Variants in CARMIL2 observed in about 807,000 individuals in gnomAD.
CARMIL2 encodes the protein capping protein regulator and myosin 1 linker 2.
Under a neutral mutation model 173.3 loss-of-function variants are expected in CARMIL2, and 96 were observed. The observed-to-expected ratio is 0.55, with a 90% CI of 0.47 to 0.66. The LOEUF (loss-of-function observed/expected upper bound fraction) is 0.66, where lower values mean the gene tolerates loss of function less well. Ranked by LOEUF, CARMIL2 falls within the 30% of genes least tolerant of loss-of-function variation. The pLI is 0.00. For synonymous variants in CARMIL2, 830 were observed against 817.1 expected (o/e 1.02, Z -0.27); for missense variants, 1,771 against 1,906.7 (o/e 0.93, Z 1.33).
At position 67,645,166 on chromosome 16, in the gene CARMIL2, G is replaced by T; in HGVS notation, c.-81G>T. On this transcript the variant is annotated 5_prime_UTR_variant, in exon 1 of 38. Coordinates refer to ENST00000334583, the MANE Select transcript of CARMIL2 (RefSeq NM_001013838.3). ...AGCAGGTGGCTGCCGTGCGGGTCTG[G>T]GCCCCAGGCTTCCTGTGTGCGCGCT... 8.5e-7 allele frequency: 1 copy of T among 1,174,084 alleles called. No homozygotes were observed. The highest frequency in any genetic ancestry group is 1.2e-6 in the Non-Finnish European group (1 of 823,604). 72.7% of individuals were successfully genotyped at this position (1,174,084 alleles called of 1,614,324 possible).
chr16:67,653,306 G>A lies in CARMIL2; in HGVS notation c.3120+52G>A. The A allele has an allele frequency of 1.1e-6, 1 of 939,032 alleles. No individual in the cohort carries two copies. Among genetic ancestry groups the A allele is most frequent in the Non-Finnish European group, 1.3e-6 (1 of 751,120 alleles). 58.2% of individuals were successfully genotyped at this position (939,032 alleles called of 1,614,324 possible). A position where few individuals can be genotyped will look rare whatever the true frequency, so the allele number is the denominator to read the frequency against. ...CGCGTGGAATTGGGGATCACGGGTG[G>A]CCCGGCCGCTCCTCATGGGTGGTAG... On this transcript the variant is annotated intron_variant, in intron 29 of 37. Transcript: ENST00000334583. This position sits in a 1 kb window ranked among gnomAD's most constrained non-coding sequence, Gnocchi z 7.4.
In CARMIL2 at chr16:67,654,977, G is replaced by A. The variant is rs965990189; in HGVS notation, c.3705+77G>A. 57 of 1,558,402 alleles carry A rather than the reference G, an allele frequency of 3.7e-5. 1 individual carries two copies. The East Asian group carries it at 8.3e-4, about 23-fold the overall frequency. ...GGTGACATAAGTGACCAAGATGGAG[G>A]AGACTCATGACAGATAGGTCTAATT... On this transcript the variant is annotated intron_variant, in intron 32 of 37. Transcript: ENST00000334583.
rs1159963216 is a variant in CARMIL2 at position 67,651,925 on chromosome 16, A to G, written c.2593A>G (p.Met865Val). The change falls in exon 26 of 38, where the codon ATG (methionine) becomes GTG (valine). Residue 865 changes from methionine to valine, a missense_variant. Physicochemically the swap from Met to Val is conservative, Grantham distance 21. This residue lies in a region of CARMIL2 where 817 missense variants were observed against 903.5 expected (regional missense o/e 0.90). Transcript: ENST00000334583. This position sits in a 1 kb window ranked among gnomAD's most constrained non-coding sequence, Gnocchi z 4.2. ...LQDAFTRLRD[M>V]RLSITGTLAE... Reference sequence around the variant, plus strand: ...CCTGTCCTCTCCTGCCCTTAGGGACATGCGGCTATCAATCACGGGGACCTT... The same window carrying G: ...CCTGTCCTCTCCTGCCCTTAGGGACGTGCGGCTATCAATCACGGGGACCTT... 1 of 1,613,442 alleles carries G rather than the reference A, an allele frequency of 6.2e-7. No homozygotes were observed. The highest frequency in any genetic ancestry group is 1.3e-5 in the African/African-American group (1 of 74,958).
In CARMIL2 at chr16:67,652,987, C is replaced by A; in HGVS notation, c.2885-32C>A. 1 of 1,173,530 alleles carries A rather than the reference C, an allele frequency of 8.5e-7. No individual in the cohort carries two copies. The highest frequency in any genetic ancestry group is 1.1e-6 in the Non-Finnish European group (1 of 907,588). The allele number at this position is 1,173,530 out of a possible 1,614,324, so 72.7% of individuals were successfully genotyped here. ...TCCGCCGCCACCTCCCCGGGCTCGG[C>A]GCTCGGTGCTCTTCTGGTGCTGTCC... On this transcript the variant is annotated intron_variant, in intron 28 of 37. Transcript: ENST00000334583. This position sits in a 1 kb window ranked among gnomAD's most constrained non-coding sequence, Gnocchi z 4.7.
Position 67,646,439 on chromosome 16 carries a change from A to C in CARMIL2, c.388A>C (p.Arg130=). 1 of 1,613,608 alleles carries C rather than the reference A, an allele frequency of 6.2e-7. No individual in the cohort carries two copies. The highest frequency in any genetic ancestry group is 8.5e-7 in the Non-Finnish European group (1 of 1,179,800). The stretch of plus-strand genomic sequence containing the variant: ...ACCCCCTACCAGGAAGCTATTCCGG[A>C]GGCCCACACCAGCCTCCATGCTGGC... ...PRSTLGKLFR[R]PTPASMLARL... Residue 130 remains arginine (R), a synonymous_variant, in exon 6 of 38, where the codon AGG becomes CGG. Transcript: ENST00000334583. This position sits in a 1 kb window ranked among gnomAD's most constrained non-coding sequence, Gnocchi z 4.6.
Position 67,649,922 on chromosome 16 carries a change from A to G in CARMIL2, c.2036A>G (p.Gln679Arg). 6.2e-7 allele frequency: 1 copy of G among 1,613,224 alleles called. No individual in the cohort carries two copies. The highest frequency in any genetic ancestry group is 8.5e-7 in the Non-Finnish European group (1 of 1,179,830). The change falls in exon 21 of 38, where the codon CAG becomes CGG. Residue 679 changes from glutamine (Q) to arginine (R), a missense_variant. Gln to Arg is a conservative substitution (Grantham distance 43, BLOSUM62 1). This residue lies in a region of CARMIL2 where 944 missense variants were observed against 975.6 expected (regional missense o/e 0.97). Transcript: ENST00000334583. This position sits in a 1 kb window ranked among gnomAD's most constrained non-coding sequence, Gnocchi z 6.7. ...CCTCTGCCACTGAACGACGTGGCCC[A>G]GGCGCAGCGCAGCCGCCCGGAACTG... is the stretch of plus-strand genomic sequence containing the variant. ...AMPLPLNDVA[Q>R]AQRSRPELTA...
chr16:67,651,289 A>G lies in CARMIL2; in HGVS notation c.2287A>G (p.Ile763Val), dbSNP rs774212302. 37 of 1,613,590 alleles carry G rather than the reference A, an allele frequency of 2.3e-5. No individual in the cohort carries two copies. The highest frequency in any genetic ancestry group is 3.0e-5 in the Non-Finnish European group (35 of 1,179,856). ...EAAVRQAEDA[I>V]QNANFSLSIL... ...CGCTGTGCGCCAGGCCGAGGATGCC[A>G]TCCAAAATGCCAACTTCTCTCTCAG... Residue 763 changes from isoleucine to valine, a missense_variant, in exon 23 of 38, where the codon ATC becomes GTC. Physicochemically the swap from Ile to Val is conservative, Grantham distance 29 (BLOSUM62 3). Around this residue, in one of 3 missense-constraint regions of CARMIL2, gnomAD observed 817 missense variants for 903.5 expected, o/e 0.90. Coordinates refer to ENST00000334583, the MANE Select transcript of CARMIL2 (RefSeq NM_001013838.3). The surrounding 1 kb of genome is among the most constrained non-coding windows in gnomAD (Gnocchi z 4.2).
chr16:67,649,919 C>T lies in CARMIL2; in HGVS notation c.2033C>T (p.Ala678Val), dbSNP rs557810250. 4.3e-5 allele frequency: 70 copies of T among 1,613,070 alleles called. 1 individual carries two copies. The highest frequency in any genetic ancestry group is 6.6e-5 in the South Asian group (6 of 91,078). ...KAMPLPLNDV[A>V]QAQRSRPELT... The stretch of plus-strand genomic sequence containing the variant: ...ATGCCTCTGCCACTGAACGACGTGG[C>T]CCAGGCGCAGCGCAGCCGCCCGGAA... Residue 678 changes from alanine to valine, a missense_variant, in exon 21 of 38, where the codon GCC (alanine) becomes GTC (valine). Physicochemically the swap from Ala to Val is moderately conservative, Grantham distance 64. Transcript: ENST00000334583. This position sits in a 1 kb window ranked among gnomAD's most constrained non-coding sequence, Gnocchi z 6.7.
chr16:67,656,675 T>A, intron 35 of CARMIL2, 30 bp downstream of exon 35: 1 of 1,576,372 alleles, frequency 6.3e-7, no homozygotes, highest in East Asian at 2.3e-5. Flanking sequence ...CCCACCCCAA[T>A]CCTGGCCTCG....
At chr16:67,654,984 A>C in intron 32 of CARMIL2, 84 bp downstream of exon 32, 188 of 1,521,112 alleles carry the variant, frequency 1.2e-4, no homozygotes, top group Non-Finnish European at 1.5e-4. Context: ...GAGGAGACTC[A>C]TGACAGATAG....
rs762899114 is a variant in CARMIL2 at position 67,657,562 on chromosome 16, C to G, written c.*44C>G. 7.4e-6 allele frequency: 12 copies of G among 1,614,012 alleles called. No individual in the cohort carries two copies. Among genetic ancestry groups the G allele is most frequent in the Admixed American group, 5.0e-5 (3 of 60,030 alleles). The stretch of plus-strand genomic sequence containing the variant: ...CATGAGATTATTTTATTAAAAAACT[C>G]AAAGGAAGCAGAGTGTGGAGCGGTA... On this transcript the variant is annotated 3_prime_UTR_variant, in exon 38 of 38. Transcript: ENST00000334583. This position sits in a 1 kb window ranked among gnomAD's most constrained non-coding sequence, Gnocchi z 4.5.
At chr16:67,654,113 C>G in intron 29 of CARMIL2, 36 bp from the exon 30 acceptor site, 2 of 1,165,078 alleles carry the variant, frequency 1.7e-6, no homozygotes, top group Non-Finnish European at 2.4e-6. Context: ...CAGAGTTGCA[C>G]TCAACCCTGA....
Position 67,646,293 on chromosome 16 carries a change from C to G in CARMIL2, c.357C>G (p.Phe119Leu). 1 of 1,613,642 alleles carries G rather than the reference C, an allele frequency of 6.2e-7. No homozygotes were observed. The highest frequency in any genetic ancestry group is 8.5e-7 in the Non-Finnish European group (1 of 1,179,786). ...TGGCTGCAGCCATCAAGAAGGTCTT[C>G]CCTCGCTCGACCCTTGGGTGAGGCC... ...QHVAAAIKKV[F>L]PRSTLGKLFR... Residue 119 changes from phenylalanine (F) to leucine (L), a missense_variant, in exon 5 of 38, where the codon TTC becomes TTG. Phe to Leu is a conservative substitution (Grantham distance 22). Around this residue, in one of 3 missense-constraint regions of CARMIL2, gnomAD observed 944 missense variants for 975.6 expected, o/e 0.97. Transcript: ENST00000334583. The surrounding 1 kb of genome is among the most constrained non-coding windows in gnomAD (Gnocchi z 4.6).
intron 10 of CARMIL2, 60 bp downstream of exon 10, chr16:67,647,447 G>C: frequency 6.4e-7 from 1 of 1,558,576 alleles, no homozygotes; most frequent in Non-Finnish European, 8.7e-7. Context: ...CTGGGGGCTA[G>C]TGGCCTGGGA....
In CARMIL2 at chr16:67,647,602, G is replaced by A. The variant is rs2052620184; in HGVS notation, c.871G>A (p.Gly291Ser). Reference protein sequence around the residue: ...SLAGNLLDDRGMTALSRHLER... With the variant: ...SLAGNLLDDRSMTALSRHLER... Reference sequence around the variant, plus strand: ...CGCGGGGAACCTGCTGGATGACCGAGGTATGACTGAGCCTGGGGACCGCAG... The same window carrying A: ...CGCGGGGAACCTGCTGGATGACCGAAGTATGACTGAGCCTGGGGACCGCAG... The change falls in exon 11 of 38, where the codon GGC becomes AGC. Residue 291 changes from glycine to serine, a missense_variant and splice_region_variant. Transcript: ENST00000334583. 1 of 1,609,628 alleles carries A rather than the reference G, an allele frequency of 6.2e-7. No individual in the cohort carries two copies. Among genetic ancestry groups the A allele is most frequent in the South Asian group, 1.1e-5 (1 of 90,074 alleles).
At position 67,654,218 on chromosome 16, in the gene CARMIL2, T is replaced by G; in HGVS notation, c.3190T>G (p.Phe1064Val). Reference sequence around the variant, plus strand: ...CGTGGACGAGGGCGTGGAGGAATTCTTCTCCAAAAGGCTGATCCAGCAGGA... The same window carrying G: ...CGTGGACGAGGGCGTGGAGGAATTCGTCTCCAAAAGGCTGATCCAGCAGGA... ...ARVDEGVEEF[F>V]SKRLIQQDRL... The change falls in exon 30 of 38, where the codon TTC becomes GTC. Residue 1064 changes from phenylalanine to valine, a missense_variant. Physicochemically the swap from Phe to Val is conservative, Grantham distance 50. Coordinates refer to ENST00000334583, the MANE Select transcript of CARMIL2 (RefSeq NM_001013838.3). 1.3e-6 allele frequency: 2 copies of G among 1,571,942 alleles called. No homozygotes were observed. Among genetic ancestry groups the G allele is most frequent in the South Asian group, 2.3e-5 (2 of 85,408 alleles).
At position 67,651,401 on chromosome 16, in the gene CARMIL2, A is replaced by G; in HGVS notation, c.2314A>G (p.Ile772Val). The change falls in exon 24 of 38, where the codon ATT (isoleucine) becomes GTT (valine). Residue 772 changes from isoleucine (I) to valine (V), a missense_variant and splice_region_variant. Physicochemically the swap from Ile to Val is conservative, Grantham distance 29 (BLOSUM62 3). This residue lies in a region of CARMIL2 where 817 missense variants were observed against 903.5 expected (regional missense o/e 0.90). Coordinates refer to ENST00000334583, the MANE Select transcript of CARMIL2 (RefSeq NM_001013838.3). The surrounding 1 kb of genome is among the most constrained non-coding windows in gnomAD (Gnocchi z 4.2). ...ACTGCTTTTCCTCTTTGGCCCTCAG[A>G]TTCTCCCCATTCTATATGAAGCTGG... is the stretch of plus-strand genomic sequence containing the variant. ...AIQNANFSLS[I>V]LPILYEAGSS... 6.3e-7 allele frequency: 1 copy of G among 1,588,324 alleles called. No homozygotes were observed.
At position 67,646,159 on chromosome 16, in the gene CARMIL2, C is replaced by T. The variant is rs756946323; in HGVS notation, c.250-27C>T. The T allele has an allele frequency of 1.4e-5, 23 of 1,613,568 alleles. No homozygotes were observed. The highest frequency in any genetic ancestry group is 4.5e-5 in the East Asian group (2 of 44,894). On this transcript the variant is annotated intron_variant, in intron 4 of 37. Transcript: ENST00000334583. The surrounding 1 kb of genome is among the most constrained non-coding windows in gnomAD (Gnocchi z 4.6). ...CATCACCTGCGCCCATGTGTGGAGCCGAGGCCTAGTAGTGCCCCTTCCCTA... is the reference window on the plus strand; with the variant it reads ...CATCACCTGCGCCCATGTGTGGAGCTGAGGCCTAGTAGTGCCCCTTCCCTA...
At chr16:67,654,995 G>T in intron 32 of CARMIL2, 95 bp downstream of exon 32, 3 of 1,466,338 alleles carry the variant, frequency 2.0e-6, no homozygotes, top group Non-Finnish European at 9.3e-7. Flanking sequence ...TGACAGATAG[G>T]TCTAATTGTC....
Sources: allele counts gnomAD v4.1 joint callset, GRCh38; gene constraint gnomAD v4.1.1; regional missense constraint gnomAD v4.1.1; non-coding constraint Gnocchi (gnomAD v3.1); transcripts MANE v1.5; gene names NCBI Gene and HGNC (gene_info 2026-07-23, HGNC 2026-07-21).